Variants in SHROOM2 observed in about 807,000 individuals in gnomAD.
SHROOM2 encodes protein Shroom2.
In SHROOM2, 33 loss-of-function variants were observed where a neutral mutation model predicts 75.9. The observed-to-expected ratio is 0.43, with a 90% confidence interval of 0.33 to 0.58. SHROOM2 has a LOEUF of 0.58. SHROOM2 is among the 20% of genes least tolerant of loss of function. The pLI, the probability that SHROOM2 is intolerant of heterozygous loss-of-function variation, is 0.04. For synonymous variants in SHROOM2, 655 were observed against 663.6 expected, an observed-to-expected ratio of 0.99 and a Z score of 0.20; for missense variants, 1,434 against 1,461.2, an observed-to-expected ratio of 0.98 and a Z score of 0.30.
intron 9 of SHROOM2, 31 bp downstream of exon 9, chrX:9,944,944 G>A (rs1371469242): frequency 8.6e-7 from 1 of 1,166,298 alleles, no homozygotes; most frequent in Non-Finnish European, 1.2e-6. Flanking sequence ...CTTGGAAATG[G>A]GGGGTGGTCT....
At chrX:9,803,107 T>G (rs2083733003) in intron 1 of SHROOM2, among the ~76,000 whole-genome samples, 1 of 76,244 alleles carries the variant, frequency 1.3e-5, no homozygotes, top group South Asian at 5.2e-4. Context: ...TGGTTTTTTG[T>G]TTTTTTTTTT....
intron 5 of SHROOM2, among the ~76,000 whole-genome samples, chrX:9,929,353 AGC>A (rs3047917): frequency 0.052 from 5,791 of 111,990 alleles, 296 homozygotes; most frequent in African/African-American, 0.15. Flanking sequence ...GTTGGGCTGG[AGC>A]GCGCCCCGTG....
chrX:9,874,350 A>G (rs1284028779), intron 2 of SHROOM2, among the ~76,000 whole-genome samples: 1 of 112,159 alleles, frequency 8.9e-6, no homozygotes, highest in East Asian at 2.8e-4. Flanking sequence ...TTTTATATAC[A>G]GGAACTAAAG....
In SHROOM2 at chrX:9,929,238, T is replaced by TA. The variant is rs1471031199; in HGVS notation, c.2892-2932dup. Among the ~76,000 whole-genome samples, 4 of 102,964 alleles carry TA rather than the reference T, an allele frequency of 3.9e-5. No homozygotes were observed. In the East Asian group the frequency reaches 1.2e-3, roughly 31 times the overall value. The allele number at this position is 102,964 out of a possible 115,157, so 89.4% of individuals were successfully genotyped here. On this transcript the variant is annotated intron_variant, in intron 5 of 9. Transcript: ENST00000380913. ...CCCAGATTCTTATCAACTGCGACAA[T>TA]AAAAACCAATTAGTGATTTTATAGT... is the stretch of plus-strand genomic sequence containing the variant.
intron 1 of SHROOM2, among the ~76,000 whole-genome samples, chrX:9,872,634 C>T (rs1213262261): frequency 1.8e-5 from 2 of 111,955 alleles, no homozygotes; most frequent in East Asian, 5.6e-4. Context: ...TCAGTCAATA[C>T]ACATTGGGAG....
At chrX:9,887,505 A>T (rs1569158666) in intron 2 of SHROOM2, among the ~76,000 whole-genome samples, 2 of 112,051 alleles carry the variant, frequency 1.8e-5, no homozygotes, top group South Asian at 7.4e-4. Flanking sequence ...AATTAAAATT[A>T]TTATGTTTTT....
chrX:9,938,588 C>A (rs2084738573), intron 7 of SHROOM2, among the ~76,000 whole-genome samples: 2 of 112,357 alleles, frequency 1.8e-5, no homozygotes, highest in Admixed American at 1.9e-4. Context: ...CGACAATTTA[C>A]ACCTGCCTGA....
chrX:9,788,409 T>C (rs2083628947), intron 1 of SHROOM2, among the ~76,000 whole-genome samples: 1 of 111,751 alleles, frequency 8.9e-6, no homozygotes, highest in African/African-American at 3.3e-5. Context: ...CACCTTCTCT[T>C]TATGATAATG....
At position 9,819,139 on chromosome X, in the gene SHROOM2, T is replaced by C. The variant is rs189974126; in HGVS notation, c.165+32429T>C. 3.4e-6 allele frequency: 4 copies of C among 1,190,552 alleles called. No homozygotes were observed. In the Admixed American group the frequency reaches 8.8e-5, roughly 26 times the overall value. On this transcript the variant is annotated intron_variant, in intron 1 of 9. Coordinates refer to ENST00000380913, the MANE Select transcript of SHROOM2 (RefSeq NM_001649.4). The stretch of plus-strand genomic sequence containing the variant: ...AGCATGCCTCGATAGCCACAGGCTT[T>C]ATAAGAATTACCTATTGTTTGCTGC...
chrX:9,828,834 G>A (rs1209066421), intron 1 of SHROOM2, among the ~76,000 whole-genome samples: 4 of 111,635 alleles, frequency 3.6e-5, no homozygotes, highest in African/African-American at 9.8e-5. Context: ...GCAAAGCAAC[G>A]GTTATTTCTA....
intron 5 of SHROOM2, among the ~76,000 whole-genome samples, chrX:9,926,536 C>T (rs1017417730): frequency 2.7e-5 from 3 of 111,323 alleles, no homozygotes; most frequent in Admixed American, 9.6e-5. Flanking sequence ...ACATTCCTCT[C>T]TCACTGTATT....
Position 9,915,334 on chromosome X carries a change from A to G in SHROOM2, c.2892-16841A>G, listed in dbSNP as rs187012329. ...TCATTTGCCGTCATTATTTCCAGGA[A>G]CAAAAGCATATGAATATATATGAGA... is the stretch of plus-strand genomic sequence containing the variant. On this transcript the variant is annotated intron_variant, in intron 5 of 9. Transcript: ENST00000380913. Among the ~76,000 whole-genome samples, 214 of 110,763 alleles carry G rather than the reference A, an allele frequency of 1.9e-3. 1 individual carries two copies. The highest frequency in any genetic ancestry group is 0.014 in the Middle Eastern group (3 of 212).
At chrX:9,931,929 C>T (rs1033040022) in intron 5 of SHROOM2, among the ~76,000 whole-genome samples, 3 of 110,272 alleles carry the variant, frequency 2.7e-5, no homozygotes, top group Non-Finnish European at 3.8e-5. Flanking sequence ...GTGATGTGTG[C>T]GCCTGTGTCT....
intron 4 of SHROOM2, among the ~76,000 whole-genome samples, chrX:9,897,303 T>C (rs1369566716): frequency 9.0e-6 from 1 of 111,649 alleles, no homozygotes; most frequent in Non-Finnish European, 1.9e-5. Flanking sequence ...TAGCCCTGCT[T>C]CAAAGTGAAC....
chrX:9,877,699 G>A (rs756845904), intron 2 of SHROOM2, among the ~76,000 whole-genome samples: 2 of 112,332 alleles, frequency 1.8e-5, no homozygotes, highest in South Asian at 3.7e-4. Flanking sequence ...CGGATCTACC[G>A]CTTGCTGGCC....
At chrX:9,867,046 C>T (rs1450475981) in intron 1 of SHROOM2, among the ~76,000 whole-genome samples, 3 of 111,100 alleles carry the variant, frequency 2.7e-5, no homozygotes, top group East Asian at 5.6e-4. Flanking sequence ...CCTGCTCCCC[C>T]GCTGCACTCA....
At chrX:9,795,457 T>G (rs2083690339) in intron 1 of SHROOM2, among the ~76,000 whole-genome samples, 1 of 112,439 alleles carries the variant, frequency 8.9e-6, no homozygotes, top group Non-Finnish European at 1.9e-5. Context: ...ATACTGATCT[T>G]GTTTCATGAT....
chrX:9,792,118 ATAG>A, intron 1 of SHROOM2, among the ~76,000 whole-genome samples: 1 of 20,475 alleles, frequency 4.9e-5, no homozygotes, highest in African/African-American at 1.3e-4. Flanking sequence ...ATAGAATAGA[ATAG>A]AATAGAATAG....
intron 5 of SHROOM2, among the ~76,000 whole-genome samples, chrX:9,915,369 A>T (rs1033857337): frequency 1.1e-4 from 12 of 111,164 alleles, no homozygotes; most frequent in African/African-American, 3.6e-4. Flanking sequence ...ACACACGCAC[A>T]GGGGTAATAG....
Sources: allele counts gnomAD v4.1 joint callset (sites outside exome capture counted in the v4.1 genomes callset), GRCh38; gene constraint gnomAD v4.1.1; transcripts MANE v1.5; gene names NCBI Gene and HGNC (gene_info 2026-07-23, HGNC 2026-07-21).